NT5DC1: variants seen among roughly 807,000 people sequenced by gnomAD.
NT5DC1 encodes the protein 5'-nucleotidase domain containing 1, also known as 5'-nucleotidase domain-containing protein 1.
Under a neutral mutation model 59.4 loss-of-function variants are expected in NT5DC1, and 42 were observed. That is an observed-to-expected ratio of 0.71 (90% CI 0.55 to 0.92). The LOEUF (loss-of-function observed/expected upper bound fraction) is 0.92, where lower values mean the gene tolerates loss of function less well. Among genes scored for constraint, NT5DC1 ranks in the 40% least tolerant of loss-of-function variants. The pLI is 0.00. For missense variants in NT5DC1, 501 were observed against 537.1 expected (o/e 0.93, Z 0.66); for synonymous variants, 172 against 188.1 (o/e 0.91, Z 0.70).
chr6:116,200,001 G>GT (rs57418957), intron 6 of NT5DC1, among the ~76,000 whole-genome samples: 1 of 149,858 alleles, frequency 6.7e-6, no homozygotes, highest in African/African-American at 2.5e-5. Context: ...ATGGAAAGTG[G>GT]GGGGGGAAGA....
intron 6 of NT5DC1, among the ~76,000 whole-genome samples, chr6:116,145,196 CAACA>C (rs1779866826): frequency 6.6e-6 from 1 of 152,058 alleles, no homozygotes; most frequent in East Asian, 1.9e-4. Flanking sequence ...CAGTTGTCCT[CAACA>C]GAGGACAACT....
chr6:116,121,064 A>T lies in NT5DC1; in HGVS notation c.529+3119A>T, dbSNP rs762967865. On this transcript the variant is annotated intron_variant, in intron 6 of 11. Transcript: ENST00000319550. ...GCCTGGGAGACCATGGCTACCCGGGATGCCTTTTGGTCCTTGGGGTCCCAT... is the reference window on the plus strand; with the variant it reads ...GCCTGGGAGACCATGGCTACCCGGGTTGCCTTTTGGTCCTTGGGGTCCCAT... The T allele has an allele frequency of 5.6e-5, 91 of 1,613,762 alleles. 1 individual carries two copies. In the Admixed American group the frequency reaches 1.2e-3, roughly 22 times the overall value.
chr6:116,143,128 C>T (rs1779806643), intron 6 of NT5DC1, among the ~76,000 whole-genome samples: 2 of 152,080 alleles, frequency 1.3e-5, no homozygotes, highest in Admixed American at 1.3e-4. Flanking sequence ...ATAAATTTGC[C>T]TCTGGCATAG....
At chr6:116,103,153 T>A (rs1778698783) in intron 1 of NT5DC1, among the ~76,000 whole-genome samples, 1 of 152,194 alleles carries the variant, frequency 6.6e-6, no homozygotes, top group South Asian at 2.1e-4. Flanking sequence ...TTCTTGTGTG[T>A]TCTGTGTGCC....
intron 6 of NT5DC1, chr6:116,125,223 A>G (rs1779259576): frequency 1.7e-6 from 2 of 1,153,286 alleles, no homozygotes; most frequent in Non-Finnish European, 2.5e-6. Context: ...AATTTGGGCT[A>G]ATTCAGAAGT....
At chr6:116,173,466 T>C (rs1387853960) in intron 6 of NT5DC1, among the ~76,000 whole-genome samples, 3 of 152,054 alleles carry the variant, frequency 2.0e-5, no homozygotes, top group Admixed American at 6.6e-5. Flanking sequence ...ATGAGAGAGG[T>C]AGGCAGCCTG....
chr6:116,182,584 G>A (rs922394528), intron 6 of NT5DC1, among the ~76,000 whole-genome samples: 7 of 151,970 alleles, frequency 4.6e-5, no homozygotes, highest in African/African-American at 1.7e-4. Flanking sequence ...CATTGTCGCA[G>A]GAGTAAGGTG....
intron 6 of NT5DC1, among the ~76,000 whole-genome samples, chr6:116,205,826 A>G (rs1393808947): frequency 6.6e-6 from 1 of 152,022 alleles, no homozygotes; most frequent in African/African-American, 2.4e-5. Flanking sequence ...TGAAAAAATC[A>G]AAGAGACCAA....
At chr6:116,113,959 A>G (rs1409530441) in intron 4 of NT5DC1, among the ~76,000 whole-genome samples, 2 of 152,184 alleles carry the variant, frequency 1.3e-5, no homozygotes, top group Non-Finnish European at 2.9e-5. Context: ...AGCTTTGCCC[A>G]CTGTCCTAAG....
chr6:116,244,079 T>G lies in NT5DC1; in HGVS notation c.*55T>G. The G allele has an allele frequency of 1.5e-6, 1 of 682,036 alleles. No homozygotes were observed. Among genetic ancestry groups the G allele is most frequent in the Non-Finnish European group, 2.5e-6 (1 of 397,722 alleles). 42.2% of individuals were successfully genotyped at this position (682,036 alleles called of 1,614,324 possible). A position where few individuals can be genotyped will look rare whatever the true frequency, so the allele number is the denominator to read the frequency against. ...CCCATATATGCAGTTAAAAAAAAGT[T>G]AATTTTCAAAAAATACTGTAAAAGA... On this transcript the variant is annotated 3_prime_UTR_variant, in exon 12 of 12. Transcript: ENST00000319550.
At chr6:116,231,086 A>C (rs1373836726) in intron 8 of NT5DC1, among the ~76,000 whole-genome samples, 1 of 146,976 alleles carries the variant, frequency 6.8e-6, no homozygotes, top group Admixed American at 6.9e-5. Flanking sequence ...AGCCTGGGCA[A>C]TAAGAGCGAA....
intron 6 of NT5DC1, among the ~76,000 whole-genome samples, chr6:116,184,450 T>C (rs1339421618): frequency 2.0e-5 from 3 of 152,008 alleles, no homozygotes; most frequent in African/African-American, 7.2e-5. Flanking sequence ...TTTGAAATAG[T>C]GTCAATTGGA....
chr6:116,202,302 A>G (rs1339149232), intron 6 of NT5DC1, among the ~76,000 whole-genome samples: 1 of 151,950 alleles, frequency 6.6e-6, no homozygotes, highest in Non-Finnish European at 1.5e-5. Flanking sequence ...CATGGTTGGA[A>G]TACATAGATC....
At chr6:116,192,865 A>C (rs562963241) in intron 6 of NT5DC1, among the ~76,000 whole-genome samples, 12 of 151,910 alleles carry the variant, frequency 7.9e-5, no homozygotes, top group African/African-American at 2.9e-4. Context: ...TCTAGTCTCA[A>C]CTTCCCCTGC....
intron 6 of NT5DC1, chr6:116,120,650 G>C (rs774533338): frequency 6.5e-7 from 1 of 1,547,854 alleles, no homozygotes. Context: ...TGGTGGCCCG[G>C]TGGGTCCATT....
At chr6:116,187,517 C>T (rs1281286953) in intron 6 of NT5DC1, among the ~76,000 whole-genome samples, 1 of 152,048 alleles carries the variant, frequency 6.6e-6, no homozygotes, top group Non-Finnish European at 1.5e-5. Flanking sequence ...GGTATAAAGA[C>T]TGACAACTAG....
intron 9 of NT5DC1, chr6:116,237,708 A>G (rs1782145222): frequency 3.1e-6 from 1 of 318,946 alleles, no homozygotes; most frequent in South Asian, 2.7e-5. Context: ...TTCCAGATTC[A>G]ACATGCCCAG....
intron 6 of NT5DC1, among the ~76,000 whole-genome samples, chr6:116,179,667 G>A (rs943760618): frequency 1.3e-5 from 2 of 152,182 alleles, no homozygotes; most frequent in Admixed American, 1.3e-4. Context: ...TTTTGAACAA[G>A]CATTTGGCAC....
chr6:116,120,974 G>T (rs1779101756), intron 6 of NT5DC1: 1 of 1,613,806 alleles, frequency 6.2e-7, no homozygotes, highest in African/African-American at 1.3e-5. Flanking sequence ...TGACCCAGGG[G>T]AACCCCTTTC....
Sources: allele counts gnomAD v4.1 joint callset (sites outside exome capture counted in the v4.1 genomes callset), GRCh38; gene constraint gnomAD v4.1.1; transcripts MANE v1.5; gene names NCBI Gene and HGNC (gene_info 2026-07-23, HGNC 2026-07-21).